C2CD5: variants seen among roughly 807,000 people sequenced by gnomAD.
C2CD5 encodes the protein C2 domain-containing protein 5.
In C2CD5, 109 loss-of-function variants were observed where a neutral mutation model predicts 130.3. The observed-to-expected ratio is 0.84, with a 90% CI of 0.72 to 0.98. C2CD5 has a LOEUF of 0.98. Among genes scored for constraint, C2CD5 ranks in the 50% least tolerant of loss-of-function variants. The pLI is 0.00. For synonymous variants in C2CD5, 454 were observed against 429.2 expected, an observed-to-expected ratio of 1.06 and a Z score of -0.71; for missense variants, 996 against 1,261.8, an observed-to-expected ratio of 0.79 and a Z score of 3.19.
At chr12:22,488,928 G>A (rs1945975938) in intron 12 of C2CD5, among the ~76,000 whole-genome samples, 1 of 150,472 alleles carries the variant, frequency 6.6e-6, no homozygotes, top group Non-Finnish European at 1.5e-5. Flanking sequence ...TTAGAGAACA[G>A]TGGTGCCATC....
At chr12:22,510,258 G>A (rs11615262) in intron 9 of C2CD5, among the ~76,000 whole-genome samples, 13,832 of 151,878 alleles carry the variant, frequency 0.091, 863 homozygotes, top group African/African-American at 0.18. Context: ...AGCACATCCC[G>A]CTTTCAATGT....
chr12:22,453,272 C>T (rs1939096555), intron 26 of C2CD5, among the ~76,000 whole-genome samples: 1 of 152,074 alleles, frequency 6.6e-6, no homozygotes, highest in African/African-American at 2.4e-5. Flanking sequence ...CACAGTGTAC[C>T]AGTGGACCAC....
intron 10 of C2CD5, among the ~76,000 whole-genome samples, chr12:22,500,713 T>C (rs1947662451): frequency 6.6e-6 from 1 of 151,944 alleles, no homozygotes; most frequent in Non-Finnish European, 1.5e-5. Context: ...TCATATTTTA[T>C]ACATTACTGT....
intron 15 of C2CD5, among the ~76,000 whole-genome samples, chr12:22,475,137 G>T (rs1328791999): frequency 6.6e-6 from 1 of 152,006 alleles, no homozygotes; most frequent in Non-Finnish European, 1.5e-5. Flanking sequence ...GACATCTAGT[G>T]TACACACAGG....
chr12:22,463,588 T>G (rs879380033), intron 22 of C2CD5: 10 of 152,212 alleles, frequency 6.6e-5, no homozygotes, highest in Non-Finnish European at 1.3e-4. Flanking sequence ...CCTCCAGAAC[T>G]GAGTCAATAA....
chr12:22,511,173 G>GAA (rs145915898), intron 9 of C2CD5, among the ~76,000 whole-genome samples: 7 of 69,102 alleles, frequency 1.0e-4, no homozygotes, highest in South Asian at 4.7e-4. Flanking sequence ...CTTTCCTCAA[G>GAA]AAAAAAAAAA....
intron 9 of C2CD5, among the ~76,000 whole-genome samples, chr12:22,509,804 A>G (rs749201634): frequency 1.3e-5 from 2 of 152,196 alleles, no homozygotes; most frequent in Non-Finnish European, 2.9e-5. Context: ...TTTTATTCCT[A>G]GATTCTTTAT....
chr12:22,466,670 T>A (rs1380392866), intron 22 of C2CD5, among the ~76,000 whole-genome samples: 1 of 152,176 alleles, frequency 6.6e-6, no homozygotes, highest in Non-Finnish European at 1.5e-5. Flanking sequence ...TGAAAAGACT[T>A]GAAGCACAAG....
In C2CD5 at chr12:22,506,763, C is replaced by T. The variant is rs1213908566; in HGVS notation, c.1095G>A (p.Gly365=). Residue 365 remains glycine (G), a synonymous_variant, in exon 10 of 27, where the codon GGG becomes GGA. Coordinates refer to ENST00000446597, the MANE Select transcript of C2CD5 (RefSeq NM_001286176.2). ...TCACAGAACGTGCACTAACTACACC[C>T]CCAACGTGTACAAGGAATCCAGGAG... is the stretch of plus-strand genomic sequence containing the variant. ...AFPPGFLVHV[G]GVVSARSVKL... 2 of 1,612,702 alleles carry T rather than the reference C, an allele frequency of 1.2e-6. No homozygotes were observed. Among genetic ancestry groups the T allele is most frequent in the Admixed American group, 1.7e-5 (1 of 60,000 alleles).
intron 22 of C2CD5, among the ~76,000 whole-genome samples, chr12:22,464,589 T>C (rs1284456120): frequency 1.3e-5 from 2 of 152,164 alleles, no homozygotes; most frequent in Non-Finnish European, 2.9e-5. Flanking sequence ...GGATGAGTTT[T>C]TCACACATTT....
chr12:22,538,508 T>C (rs1952035446), intron 2 of C2CD5, among the ~76,000 whole-genome samples: 1 of 152,172 alleles, frequency 6.6e-6, no homozygotes, highest in Non-Finnish European at 1.5e-5. Context: ...TATTTACGAA[T>C]ACGCTTTATG....
At chr12:22,499,999 C>T (rs1043087536) in intron 10 of C2CD5, among the ~76,000 whole-genome samples, 2 of 152,004 alleles carry the variant, frequency 1.3e-5, no homozygotes, top group South Asian at 4.1e-4. Context: ...ATCAGCCTGG[C>T]CAACATGGTG....
At chr12:22,495,910 A>C (rs1946951604) in intron 10 of C2CD5, among the ~76,000 whole-genome samples, 1 of 152,088 alleles carries the variant, frequency 6.6e-6, no homozygotes, top group Non-Finnish European at 1.5e-5. Flanking sequence ...TACAGACTGA[A>C]AACTATGGCA....
intron 10 of C2CD5, among the ~76,000 whole-genome samples, chr12:22,503,737 C>G (rs1948108384): frequency 6.6e-6 from 1 of 152,104 alleles, no homozygotes; most frequent in Non-Finnish European, 1.5e-5. Context: ...GTCTCAAACC[C>G]CTGAGCTCAT....
chr12:22,466,063 A>G (rs1942024023), intron 22 of C2CD5, among the ~76,000 whole-genome samples: 1 of 152,152 alleles, frequency 6.6e-6, no homozygotes, highest in Non-Finnish European at 1.5e-5. Context: ...TACACTGTGA[A>G]TTAAGATACA....
intron 3 of C2CD5, among the ~76,000 whole-genome samples, chr12:22,528,724 C>G (rs1222642841): frequency 1.3e-5 from 2 of 152,164 alleles, no homozygotes; most frequent in Non-Finnish European, 2.9e-5. Flanking sequence ...ACTATTAAGA[C>G]TGAGTCTGTG....
chr12:22,458,266 A>T (rs1940378585), intron 24 of C2CD5, among the ~76,000 whole-genome samples: 1 of 152,232 alleles, frequency 6.6e-6, no homozygotes, highest in African/African-American at 2.4e-5. Flanking sequence ...CTGCACAAAA[A>T]GGAAAATTTT....
chr12:22,501,459 G>A (rs1947784443), intron 10 of C2CD5, among the ~76,000 whole-genome samples: 1 of 152,006 alleles, frequency 6.6e-6, no homozygotes, highest in Non-Finnish European at 1.5e-5. Context: ...ATTATTAATG[G>A]TCAATATGCT....
In C2CD5 at chr12:22,513,368, C is replaced by A; in HGVS notation, c.964G>T (p.Gly322Cys). Residue 322 changes from glycine to cysteine, a missense_variant, in exon 9 of 27, where the codon GGT (glycine) becomes TGT (cysteine). Around this residue, in one of 9 missense-constraint regions of C2CD5, gnomAD observed 156 missense variants for 165.9 expected, o/e 0.94. Coordinates refer to ENST00000446597, the MANE Select transcript of C2CD5 (RefSeq NM_001286176.2). Reference sequence around the variant, plus strand: ...GGCCCCCCTTCTTTTCCAGCACTACCACTTCCCATTCCTACAGAACATCAG... The same window carrying A: ...GGCCCCCCTTCTTTTCCAGCACTACAACTTCCCATTCCTACAGAACATCAG... ...SLTPKTGMGS[G>C]SAGKEGGPFK... 6.2e-7 allele frequency: 1 copy of A among 1,608,838 alleles called. No homozygotes were observed. Among genetic ancestry groups the A allele is most frequent in the Non-Finnish European group, 8.5e-7 (1 of 1,175,390 alleles).
Sources: gnomAD v4.1 joint callset for allele counts (sites outside exome capture counted in the v4.1 genomes callset) on GRCh38, gnomAD v4.1.1 for gene constraint, gnomAD v4.1.1 regional missense constraint, MANE v1.5 for transcripts, NCBI Gene and HGNC (gene_info 2026-07-23, HGNC 2026-07-21) for gene names.